The following ULK4 variants were observed in gnomAD, a reference collection of about 807,000 sequenced individuals.
The protein encoded by ULK4 is inactive serine/threonine-protein kinase ULK4.
A neutral mutation model predicts 160.6 loss-of-function variants in ULK4; 133 were observed. That is an observed-to-expected ratio of 0.83 (90% CI 0.72 to 0.96). ULK4 has a LOEUF of 0.96. ULK4 is among the 40% of genes least tolerant of loss of function. The pLI, the probability that ULK4 is intolerant of heterozygous loss-of-function variation, is 0.00. For missense variants in ULK4, 1,580 were observed against 1,499.5 expected, an observed-to-expected ratio of 1.05 and a Z score of -0.89; for synonymous variants, 534 against 539.8, an observed-to-expected ratio of 0.99 and a Z score of 0.15.
intron 2 of ULK4, among the ~76,000 whole-genome samples, chr3:41,940,889 C>T (rs1699931426): frequency 6.6e-6 from 1 of 152,072 alleles, no homozygotes; most frequent in African/African-American, 2.4e-5. Context: ...TTAAAAAATA[C>T]TAAGTTGTTT....
At position 41,715,523 on chromosome 3, in the gene ULK4, G is replaced by T; in HGVS notation, c.2501C>A (p.Pro834Gln). Residue 834 changes from proline to glutamine, a missense_variant, in exon 24 of 37, where the codon CCA becomes CAA. Pro to Gln is a moderately conservative substitution (Grantham distance 76). Transcript: ENST00000301831. ...CAGCTGTTTCACTTGAACTGTTGAT[G>T]GGTGTTTACGTCCAGAAACATTAGC... ...SLANVSGRKH[P>Q]STVQVKQLKL... 2 of 1,614,090 alleles carry T rather than the reference G, an allele frequency of 1.2e-6. No homozygotes were observed. Among genetic ancestry groups the T allele is most frequent in the Non-Finnish European group, 8.5e-7 (1 of 1,180,000 alleles).
chr3:41,924,316 T>C (rs1484947217), intron 5 of ULK4, among the ~76,000 whole-genome samples: 1 of 152,162 alleles, frequency 6.6e-6, no homozygotes, highest in Non-Finnish European at 1.5e-5. Flanking sequence ...TACACTCTAT[T>C]TTTATCTTAA....
chr3:41,808,800 C>T (rs960750805), intron 19 of ULK4, among the ~76,000 whole-genome samples: 1 of 152,150 alleles, frequency 6.6e-6, no homozygotes, highest in Non-Finnish European at 1.5e-5. Context: ...GGACAAATGC[C>T]GTCAGGGCAA....
intron 27 of ULK4, among the ~76,000 whole-genome samples, chr3:41,696,815 G>A (rs2036520108): frequency 6.6e-6 from 1 of 152,158 alleles, no homozygotes; most frequent in Non-Finnish European, 1.5e-5. Context: ...ATCCTTAAAG[G>A]GTGACAGGAT....
In ULK4 at chr3:41,931,910, C is replaced by A. The variant is rs1174394392; in HGVS notation, c.475G>T (p.Ala159Ser). 1 of 1,614,112 alleles carries A rather than the reference C, an allele frequency of 6.2e-7. No homozygotes were observed. The highest frequency in any genetic ancestry group is 1.7e-5 in the Admixed American group (1 of 60,004). The change falls in exon 5 of 37, where the codon GCA (alanine) becomes TCA (serine). Residue 159 changes from alanine (A) to serine (S), a missense_variant. Ala to Ser is a moderately conservative substitution (Grantham distance 99). Transcript: ENST00000301831. ...CCATTATCACCTCCTCCTTCCTCTG[C>A]TGCCACCAAAGCAAAGAACTCTTCC... ...NLEEFFALVA[A>S]EEGGGDNGEN...
rs73830560 is a variant in ULK4, at chr3:41,895,559, T to C, written c.1536A>G (p.Gln512=). 7.3e-4 allele frequency: 1,097 copies of C among 1,511,324 alleles called. 7 individuals carry two copies. In the African/African-American group the frequency reaches 0.014, roughly 20 times the overall value. The allele number at this position is 1,511,324 out of a possible 1,614,324, so 93.6% of individuals were successfully genotyped here. ...CTATCCGCAAATGCTGGATTAGCAA[T>C]TGGAACTAGAATAAGAAATTTAAGT... ...ATRLLHSPLF[Q]LLIQHLRIAP... Residue 512 remains glutamine (Q), a synonymous_variant, in exon 16 of 37, where the codon CAA becomes CAG. Coordinates refer to ENST00000301831, the MANE Select transcript of ULK4 (RefSeq NM_017886.4).
At chr3:41,641,798 G>A (rs79467038) in intron 30 of ULK4, among the ~76,000 whole-genome samples, 3,068 of 149,338 alleles carry the variant, frequency 0.021, 114 homozygotes, top group African/African-American at 0.071. Flanking sequence ...CCCAAGAAGA[G>A]TAATTGTTTC....
chr3:41,641,075 C>T lies in ULK4; in HGVS notation c.3071+22532G>A, dbSNP rs191782988. Among the ~76,000 whole-genome samples, 38 of 152,264 alleles carry T rather than the reference C, an allele frequency of 2.5e-4. No homozygotes were observed. The South Asian group carries it at 3.5e-3, about 14-fold the overall frequency. ...GCATTGAGTTTGATTGAGTTTGACC[C>T]GGACCCCAGCCTGAGATTCAGACTG... On this transcript the variant is annotated intron_variant, in intron 30 of 36. Transcript: ENST00000301831.
chr3:41,960,847 A>G (rs570182842), intron 1 of ULK4, among the ~76,000 whole-genome samples: 86 of 152,354 alleles, frequency 5.6e-4, no homozygotes, highest in African/African-American at 2.1e-3. Context: ...TTAATGAATT[A>G]CTAAAGAGGG....
chr3:41,663,528 T>C, intron 30 of ULK4, 79 bp downstream of exon 30: 2 of 1,334,082 alleles, frequency 1.5e-6, no homozygotes, highest in Middle Eastern at 1.8e-4. Flanking sequence ...TGGAATCTCA[T>C]CTTTAATAAC....
chr3:41,259,104 ATGTATATATG>A (rs1388914076), intron 35 of ULK4, among the ~76,000 whole-genome samples: 1 of 132,378 alleles, frequency 7.6e-6, no homozygotes, highest in Non-Finnish European at 1.5e-5. Context: ...ATATATGTAT[ATGTATATATG>A]TGTATATATA....
At chr3:41,566,831 AG>A (rs2087799125) in intron 31 of ULK4, among the ~76,000 whole-genome samples, 1 of 152,206 alleles carries the variant, frequency 6.6e-6, no homozygotes, top group African/African-American at 2.4e-5. Context: ...CAATTAACAC[AG>A]ATTATAATTG....
At chr3:41,745,755 A>T (rs2038398517) in intron 22 of ULK4, among the ~76,000 whole-genome samples, 1 of 151,662 alleles carries the variant, frequency 6.6e-6, no homozygotes, top group Non-Finnish European at 1.5e-5. Context: ...AAAAATCCTC[A>T]ACAAAATATT....
At position 41,856,533 on chromosome 3, in the gene ULK4, G is replaced by A. The variant is rs867272076; in HGVS notation, c.1657-20562C>T. On this transcript the variant is annotated intron_variant, in intron 17 of 36. Transcript: ENST00000301831. ...AATAAATATATATATATATATATAT[G>A]TATGTATATATATATGTGTATATAT... 2.1e-3 allele frequency among the ~76,000 whole-genome samples: 162 copies of A among 75,850 alleles called. 6 individuals are homozygous for A. The East Asian group carries it at 0.039, about 18-fold the overall frequency. The allele number at this position is 75,850 out of a possible 152,430, so 49.8% of individuals were successfully genotyped here.
chr3:41,615,492 G>C (rs774485340), intron 31 of ULK4, among the ~76,000 whole-genome samples, 177 bp downstream of exon 31: 1 of 152,216 alleles, frequency 6.6e-6, no homozygotes, highest in Non-Finnish European at 1.5e-5. Flanking sequence ...TAATTTCAGA[G>C]CTTGACATTC....
At chr3:41,460,394 G>T (rs1015657004) in intron 33 of ULK4, among the ~76,000 whole-genome samples, 3 of 152,144 alleles carry the variant, frequency 2.0e-5, no homozygotes, top group African/African-American at 7.2e-5. Flanking sequence ...TATTCATTCT[G>T]CAGCATGTAA....
intron 27 of ULK4, among the ~76,000 whole-genome samples, chr3:41,702,845 T>G (rs950428201): frequency 2.8e-5 from 4 of 141,794 alleles, no homozygotes; most frequent in East Asian, 2.0e-4. Flanking sequence ...TTTTTGTTTG[T>G]TTTTTTTTGG....
intron 31 of ULK4, among the ~76,000 whole-genome samples, chr3:41,612,404 G>T (rs28552856): frequency 0.37 from 56,597 of 151,848 alleles, 14,553 homozygotes; most frequent in African/African-American, 0.74. Flanking sequence ...CAGCTTTCCA[G>T]ACCTACCTTC....
At chr3:41,284,823 G>A (rs777832146) in intron 35 of ULK4, among the ~76,000 whole-genome samples, 1 of 152,016 alleles carries the variant, frequency 6.6e-6, no homozygotes, top group Non-Finnish European at 1.5e-5. Flanking sequence ...CAGAGTTGGA[G>A]AAAATCTTCA....
Sources: allele counts gnomAD v4.1 joint callset (sites outside exome capture counted in the v4.1 genomes callset), GRCh38; gene constraint gnomAD v4.1.1; transcripts MANE v1.5; gene names NCBI Gene and HGNC (gene_info 2026-07-23, HGNC 2026-07-21).